GRM1: variants seen among roughly 807,000 people sequenced by gnomAD.
GRM1 encodes the protein metabotropic glutamate receptor 1.
Under a neutral mutation model 90.9 loss-of-function variants are expected in GRM1, and 33 were observed. The observed-to-expected ratio is 0.36, with a 90% CI of 0.28 to 0.49. The LOEUF (loss-of-function observed/expected upper bound fraction) is 0.49. Ranked by LOEUF, GRM1 falls within the 20% of genes least tolerant of loss-of-function variation. The pLI is 0.99. For missense variants in GRM1, 1,190 were observed against 1,534.3 expected (o/e 0.78, Z 3.75); for synonymous variants, 700 against 613.2 (o/e 1.14, Z -2.09).
At chr6:146,206,162 C>T (rs924516291) in intron 2 of GRM1, among the ~76,000 whole-genome samples, 24 of 152,254 alleles carry the variant, frequency 1.6e-4, no homozygotes, top group Admixed American at 1.5e-3. Context: ...GAAATCTTTT[C>T]TGCTTTTGAG....
At chr6:146,173,207 G>A (rs1778202518) in intron 2 of GRM1, among the ~76,000 whole-genome samples, 1 of 151,748 alleles carries the variant, frequency 6.6e-6, no homozygotes, top group Non-Finnish European at 1.5e-5. Context: ...AGACCAACAT[G>A]GAGAAACCCC....
intron 1 of GRM1, among the ~76,000 whole-genome samples, chr6:146,136,344 AG>A (rs1776617992): frequency 6.6e-6 from 1 of 152,108 alleles, no homozygotes; most frequent in Admixed American, 6.5e-5. Context: ...TAGTTTTTTG[AG>A]GAGCCTCCAA....
rs1373630222 is a variant in GRM1 at position 146,139,904 on chromosome 6, T to C, written c.701-19444T>C. Among the ~76,000 whole-genome samples, 43 of 110,574 alleles carry C rather than the reference T, an allele frequency of 3.9e-4. 1 individual carries two copies. Among genetic ancestry groups the C allele is most frequent in the African/African-American group, 5.7e-4 (15 of 26,226 alleles). The allele number at this position is 110,574 out of a possible 152,430, so 72.5% of individuals were successfully genotyped here. On this transcript the variant is annotated intron_variant, in intron 1 of 7. Transcript: ENST00000282753. ...TCCCTTCCCTTCCCTTCCCTTCCCT[T>C]CCCTTCCCTTCCCTCCCCTCCCCTC...
chr6:146,134,065 G>T (rs986031584), intron 1 of GRM1, among the ~76,000 whole-genome samples: 11 of 152,336 alleles, frequency 7.2e-5, no homozygotes, highest in African/African-American at 2.6e-4. Context: ...CTTGCCCAGT[G>T]TTCCACACAG....
intron 1 of GRM1, among the ~76,000 whole-genome samples, chr6:146,115,422 AACTTT>A (rs1235066461): frequency 6.6e-6 from 1 of 152,088 alleles, no homozygotes; most frequent in East Asian, 1.9e-4. Flanking sequence ...CTTTAGTTGT[AACTTT>A]ACTTTATAGT....
At chr6:146,339,111 C>G (rs1307971235) in intron 3 of GRM1, among the ~76,000 whole-genome samples, 1 of 152,206 alleles carries the variant, frequency 6.6e-6, no homozygotes, top group Non-Finnish European at 1.5e-5. Context: ...GAAATGCAAT[C>G]ACTGTGGTAT....
rs371199966 is a variant in GRM1, at chr6:146,432,111, T to G, written c.2661-1761T>G. The stretch of plus-strand genomic sequence containing the variant: ...TCAATAAGACAATTTTTAAAAACTT[T>G]ACAAGCACTTCCACAGTCTCAGATA... On this transcript the variant is annotated intron_variant, in intron 7 of 7. Coordinates refer to ENST00000282753, the MANE Select transcript of GRM1 (RefSeq NM_001278064.2). Among the ~76,000 whole-genome samples the G allele has an allele frequency of 4.3e-4, 65 of 152,324 alleles. No individual in the cohort carries two copies. The South Asian group carries it at 0.011, about 26-fold the overall frequency.
At chr6:146,122,083 C>G (rs1776010026) in intron 1 of GRM1, among the ~76,000 whole-genome samples, 1 of 152,062 alleles carries the variant, frequency 6.6e-6, no homozygotes, top group African/African-American at 2.4e-5. Flanking sequence ...CTTTGTAGGT[C>G]TCTAAGGACT....
At chr6:146,181,545 C>T (rs529882236) in intron 2 of GRM1, among the ~76,000 whole-genome samples, 2 of 152,230 alleles carry the variant, frequency 1.3e-5, no homozygotes, top group Non-Finnish European at 2.9e-5. Context: ...TTGAATATAC[C>T]TACAGCACTT....
chr6:146,053,668 T>A (rs1479711717), intron 1 of GRM1, among the ~76,000 whole-genome samples: 2 of 152,104 alleles, frequency 1.3e-5, no homozygotes, highest in African/African-American at 4.8e-5. Flanking sequence ...GGTCCAGGGC[T>A]CTTTCATCCC....
chr6:146,246,920 C>CT (rs1278203501), intron 2 of GRM1, among the ~76,000 whole-genome samples: 5 of 152,242 alleles, frequency 3.3e-5, no homozygotes, highest in Admixed American at 2.6e-4. Flanking sequence ...AAGGGAGTCT[C>CT]TTTTGGATCC....
At chr6:146,107,285 A>G (rs1775345275) in intron 1 of GRM1, among the ~76,000 whole-genome samples, 1 of 152,246 alleles carries the variant, frequency 6.6e-6, no homozygotes, top group African/African-American at 2.4e-5. Context: ...AATACATAAA[A>G]TAAATAGAAA....
At chr6:146,092,047 G>A (rs562576359) in intron 1 of GRM1, among the ~76,000 whole-genome samples, 96 of 152,116 alleles carry the variant, frequency 6.3e-4, no homozygotes, top group African/African-American at 2.1e-3. Flanking sequence ...CCCATTCCCC[G>A]AATGTCTTCA....
chr6:146,287,722 G>T (rs545199756), intron 2 of GRM1, among the ~76,000 whole-genome samples: 1 of 152,314 alleles, frequency 6.6e-6, no homozygotes, highest in East Asian at 1.9e-4. Flanking sequence ...AGAGAGGAAA[G>T]TGTGGTAATA....
rs1382545030 is a variant in GRM1, at chr6:146,280,970, A to T, written c.951-23641A>T. Among the ~76,000 whole-genome samples the T allele has an allele frequency of 2.0e-5, 3 of 151,932 alleles. No homozygotes were observed. In the East Asian group the frequency reaches 5.8e-4, roughly 29 times the overall value. The stretch of plus-strand genomic sequence containing the variant: ...TCATTTTTTAATACCAACCTCACCC[A>T]TCCTTTCTTTTCTTGCCTTTGGAAG... On this transcript the variant is annotated intron_variant, in intron 2 of 7. Coordinates refer to ENST00000282753, the MANE Select transcript of GRM1 (RefSeq NM_001278064.2).
rs556826654 is a variant in GRM1 at position 146,108,763 on chromosome 6, A to C, written c.701-50585A>C. Reference sequence around the variant, plus strand: ...TGGGAAAGTTTGGAACTCCCTAGAGACTTGCTGGATGGCTTTGACCAAAAT... The same window carrying C: ...TGGGAAAGTTTGGAACTCCCTAGAGCCTTGCTGGATGGCTTTGACCAAAAT... On this transcript the variant is annotated intron_variant, in intron 1 of 7. Transcript: ENST00000282753. 2.0e-5 allele frequency among the ~76,000 whole-genome samples: 3 copies of C among 152,310 alleles called. No individual in the cohort carries two copies. In the South Asian group the frequency reaches 6.2e-4, roughly 32 times the overall value.
intron 2 of GRM1, among the ~76,000 whole-genome samples, chr6:146,239,622 A>G (rs1780778357): frequency 6.6e-6 from 1 of 152,184 alleles, no homozygotes; most frequent in Non-Finnish European, 1.5e-5. Flanking sequence ...AACCTGAAAG[A>G]AAGAAGGAAA....
At chr6:146,154,785 A>T (rs886656538) in intron 1 of GRM1, among the ~76,000 whole-genome samples, 4 of 152,198 alleles carry the variant, frequency 2.6e-5, no homozygotes, top group Non-Finnish European at 5.9e-5. Context: ...TTTGAAAACT[A>T]CTGCCAAATT....
intron 7 of GRM1, among the ~76,000 whole-genome samples, chr6:146,400,005 C>A (rs538346672): frequency 6.6e-6 from 1 of 152,204 alleles, no homozygotes; most frequent in African/African-American, 2.4e-5. Context: ...CAGTAACTTA[C>A]CCTTTCGCAT....
Sources: gnomAD v4.1 joint callset for allele counts (sites outside exome capture counted in the v4.1 genomes callset) on GRCh38, gnomAD v4.1.1 for gene constraint, MANE v1.5 for transcripts, NCBI Gene and HGNC (gene_info 2026-07-23, HGNC 2026-07-21) for gene names.